The following SPRY3 variants were observed in gnomAD, a reference collection of about 807,000 sequenced individuals.
The protein encoded by SPRY3 is sprouty RTK signaling antagonist 3.
In SPRY3, 15 loss-of-function variants were observed where a neutral mutation model predicts 20.2. That is an observed-to-expected ratio of 0.74 (90% CI 0.50 to 1.14). SPRY3 has a LOEUF of 1.14. SPRY3 is among the 50% of genes most tolerant of loss of function. The pLI, the probability that SPRY3 is intolerant of heterozygous loss-of-function variation, is 0.00. For missense variants in SPRY3, 364 were observed against 363.9 expected, an observed-to-expected ratio of 1.00 and a Z score of 0.00; for synonymous variants, 143 against 136.5, an observed-to-expected ratio of 1.05 and a Z score of -0.33.
chrX:155,699,977 T>TC (rs60129370), intron 2 of SPRY3, among the ~76,000 whole-genome samples: 10 of 22,154 alleles, frequency 4.5e-4, no homozygotes, highest in African/African-American at 4.4e-3. Flanking sequence ...CCTTAATCTC[T>TC]TTTTTTTTTT....
At chrX:155,711,926 T>C (rs1003598109) in intron 2 of SPRY3, among the ~76,000 whole-genome samples, 1 of 151,722 alleles carries the variant, frequency 6.6e-6, no homozygotes, top group Non-Finnish European at 1.5e-5. Flanking sequence ...TTTCAAAAAC[T>C]TTTTGAATTT....
intron 2 of SPRY3, among the ~76,000 whole-genome samples, chrX:155,755,000 T>C (rs2124586167): frequency 6.6e-6 from 1 of 151,902 alleles, no homozygotes; most frequent in East Asian, 1.9e-4. Context: ...GAATTTGCTA[T>C]GGAAGTTTGT....
chrX:155,724,217 G>A (rs971890229), intron 2 of SPRY3, among the ~76,000 whole-genome samples: 2 of 152,094 alleles, frequency 1.3e-5, no homozygotes, highest in South Asian at 2.1e-4. Context: ...ATCAGGTAGC[G>A]TGATGCCTCC....
At chrX:155,733,676 T>C (rs752091249) in intron 2 of SPRY3, among the ~76,000 whole-genome samples, 1 of 152,162 alleles carries the variant, frequency 6.6e-6, no homozygotes, top group Non-Finnish European at 1.5e-5. Flanking sequence ...AAGTCAGGCA[T>C]TGACTTCTCT....
chrX:155,769,683 G>T (rs1453009627), intron 3 of SPRY3, among the ~76,000 whole-genome samples: 3 of 152,016 alleles, frequency 2.0e-5, no homozygotes, highest in African/African-American at 7.2e-5. Context: ...AACATTCAAG[G>T]TCTTAAAACT....
At chrX:155,716,751 C>A (rs2091025478) in intron 2 of SPRY3, among the ~76,000 whole-genome samples, 1 of 151,566 alleles carries the variant, frequency 6.6e-6, no homozygotes. Context: ...TGTGATTGCA[C>A]AGCTCAGTGG....
At chrX:155,738,260 A>T (rs1406609603) in intron 2 of SPRY3, among the ~76,000 whole-genome samples, 1 of 152,110 alleles carries the variant, frequency 6.6e-6, no homozygotes, top group Non-Finnish European at 1.5e-5. Flanking sequence ...CAAGGTGCAG[A>T]CTGGGAAAAA....
intron 2 of SPRY3, among the ~76,000 whole-genome samples, chrX:155,710,223 A>C (rs1326363942): frequency 2.0e-5 from 3 of 151,676 alleles, no homozygotes; most frequent in Non-Finnish European, 4.4e-5. Context: ...TTTGATACGG[A>C]TTGCATTGAA....
At chrX:155,684,512 C>T (rs2068082334) in intron 2 of SPRY3, among the ~76,000 whole-genome samples, 1 of 111,865 alleles carries the variant, frequency 8.9e-6, no homozygotes, top group Admixed American at 9.5e-5. Flanking sequence ...AGAAACCTTA[C>T]CACCATATAG....
intron 2 of SPRY3, among the ~76,000 whole-genome samples, chrX:155,760,047 G>T (rs1473902681): frequency 2.0e-5 from 3 of 152,162 alleles, no homozygotes; most frequent in African/African-American, 7.2e-5. Flanking sequence ...TACATCTATT[G>T]TAATCACTGG....
At chrX:155,781,188 T>A (rs2091461314), downstream of SPRY3, 1 of 166,960 alleles carries the variant, frequency 6.0e-6, no homozygotes, top group Admixed American at 6.6e-5. Flanking sequence ...ACTAACACTA[T>A]CTGCCTTTCA....
chrX:155,731,400 A>G (rs1177764745), intron 2 of SPRY3, among the ~76,000 whole-genome samples: 1 of 152,100 alleles, frequency 6.6e-6, no homozygotes, highest in African/African-American at 2.4e-5. Context: ...CCAAGAACAT[A>G]CATTAGGGAA....
intron 2 of SPRY3, among the ~76,000 whole-genome samples, chrX:155,685,931 C>A (rs1401631562): frequency 9.0e-6 from 1 of 110,668 alleles, no homozygotes; most frequent in Non-Finnish European, 1.9e-5. Context: ...CCATGCCCAG[C>A]TAATTTTTGT....
chrX:155,680,603 T>C (rs1341511939), intron 2 of SPRY3, among the ~76,000 whole-genome samples: 2 of 111,494 alleles, frequency 1.8e-5, no homozygotes, highest in Non-Finnish European at 3.8e-5. Context: ...CAGTTCAATT[T>C]GAACACTGAG....
chrX:155,770,326 G>A (rs1165187806), intron 3 of SPRY3, among the ~76,000 whole-genome samples: 1 of 152,150 alleles, frequency 6.6e-6, no homozygotes, highest in East Asian at 1.9e-4. Flanking sequence ...GTTCCAGGGA[G>A]AAAATACATT....
At chrX:155,675,304 T>G (rs1256259235) in intron 2 of SPRY3, among the ~76,000 whole-genome samples, 7 of 111,306 alleles carry the variant, frequency 6.3e-5, no homozygotes, top group African/African-American at 2.3e-4. Context: ...TTTGTGGGAA[T>G]GTGTCTGTGG....
intron 2 of SPRY3, among the ~76,000 whole-genome samples, chrX:155,679,094 G>A (rs1603132807): frequency 9.0e-6 from 1 of 111,365 alleles, no homozygotes; most frequent in East Asian, 2.8e-4. Context: ...AATAGCTAAT[G>A]TAAATGATGA....
At chrX:155,773,719 T>G in intron 3 of SPRY3, 47 bp from the exon 3 acceptor site, 1 of 862,534 alleles carries the variant, frequency 1.2e-6, no homozygotes. Context: ...TGCAAAGTAC[T>G]TATGCCTGTG....
rs1178096109 is a variant in SPRY3 at position 155,707,212 on chromosome X, G to A, written c.-282+50187G>A. Among the ~76,000 whole-genome samples the A allele has an allele frequency of 5.3e-5, 8 of 151,314 alleles. No individual in the cohort carries two copies. In the East Asian group the frequency reaches 1.4e-3, roughly 26 times the overall value. On this transcript the variant is annotated intron_variant, in intron 2 of 3. Coordinates refer to ENST00000675360, the Ensembl canonical transcript of SPRY3. ...GTTGTCATTTTCCTCCAGTTAAAATGCATTATAACTTTCCTTGTGATTTCT... is the reference window on the plus strand; with the variant it reads ...GTTGTCATTTTCCTCCAGTTAAAATACATTATAACTTTCCTTGTGATTTCT...
Sources: gnomAD v4.1 joint callset for allele counts (sites outside exome capture counted in the v4.1 genomes callset) on GRCh38, gnomAD v4.1.1 for gene constraint, MANE v1.5 for transcripts, NCBI Gene and HGNC (gene_info 2026-07-23, HGNC 2026-07-21) for gene names.